DOCK9: variants seen among roughly 807,000 people sequenced by gnomAD.
The protein encoded by DOCK9 is dedicator of cytokinesis 9, also known as dedicator of cytokinesis protein 9.
Under a neutral mutation model 263.3 loss-of-function variants are expected in DOCK9, and 89 were observed. The observed-to-expected ratio is 0.34, with a 90% CI of 0.28 to 0.40. The LOEUF (loss-of-function observed/expected upper bound fraction) is 0.40, where lower values mean the gene tolerates loss of function less well. Among genes scored for constraint, DOCK9 ranks in the 10% least tolerant of loss-of-function variants. The probability of loss-of-function intolerance (pLI) is 1.00; values close to 1 mark genes in which losing one functional copy is unlikely to be tolerated. For missense variants in DOCK9, 2,140 were observed against 2,603.4 expected, an observed-to-expected ratio of 0.82 and a Z score of 3.87; for synonymous variants, 976 against 973.1, an observed-to-expected ratio of 1.00 and a Z score of -0.06.
At chr13:98,862,190 A>C (rs1189651589) in intron 32 of DOCK9, among the ~76,000 whole-genome samples, 1 of 152,202 alleles carries the variant, frequency 6.6e-6, no homozygotes, top group East Asian at 1.9e-4. Flanking sequence ...TTAGCCAGAA[A>C]TGCAACTTAC....
intron 40 of DOCK9, 22 bp downstream of exon 40, chr13:98,831,627 C>T: frequency 6.2e-7 from 1 of 1,609,958 alleles, no homozygotes; most frequent in Non-Finnish European, 8.5e-7. Context: ...AACATCTAAC[C>T]ACTGCCCATG....
intron 38 of DOCK9, among the ~76,000 whole-genome samples, chr13:98,838,062 C>T (rs2093073571): frequency 6.6e-6 from 1 of 152,166 alleles, no homozygotes; most frequent in African/African-American, 2.4e-5. Context: ...AGGCATTGAT[C>T]GATTCTGCTA....
At chr13:99,036,449 C>G (rs1260879869) in intron 1 of DOCK9, among the ~76,000 whole-genome samples, 1 of 152,110 alleles carries the variant, frequency 6.6e-6, no homozygotes, top group African/African-American at 2.4e-5. Context: ...TCATCAGAAC[C>G]CAACCATGCT....
At chr13:98,946,978 G>A (rs767476882) in intron 2 of DOCK9, among the ~76,000 whole-genome samples, 12 of 152,270 alleles carry the variant, frequency 7.9e-5, no homozygotes, top group Middle Eastern at 3.4e-3. Context: ...GCTTCAGTCC[G>A]TCATGCTCTC....
rs2139672515 is a variant in DOCK9, at chr13:98,793,544, G to C, written c.*1082C>G. The C allele has an allele frequency of 6.6e-6, 1 of 152,452 alleles. No individual in the cohort carries two copies. The highest frequency in any genetic ancestry group is 2.4e-5 in the African/African-American group (1 of 41,430). 9.4% of individuals were successfully genotyped at this position (152,452 alleles called of 1,614,324 possible). ...GGTACAGAATGTTTAATTACAGCAG[G>C]GCAGTGATTCCAGTTAAATAAAATT... On this transcript the variant is annotated 3_prime_UTR_variant, in exon 53 of 53. Coordinates refer to ENST00000682017, the MANE Select transcript of DOCK9 (RefSeq NM_001366683.2).
At chr13:99,014,642 T>G (rs948143312) in intron 1 of DOCK9, among the ~76,000 whole-genome samples, 2 of 152,192 alleles carry the variant, frequency 1.3e-5, no homozygotes, top group African/African-American at 4.8e-5. Context: ...AAGCAGCTGC[T>G]GGCAAGACAC....
chr13:98,837,527 C>T lies in DOCK9; in HGVS notation c.4281G>A (p.Leu1427=). ...CCAATGTAAATAGAGAAAGCGTGTC[C>T]AGAGCTGTCAGGCAAACCTCAGTAG... ...NIATEVCLTA[L]DTLSLFTLAF... The change falls in exon 39 of 53, where the codon CTG becomes CTA. Residue 1427 remains leucine, a synonymous_variant. Coordinates refer to ENST00000682017, the MANE Select transcript of DOCK9 (RefSeq NM_001366683.2). 1.2e-6 allele frequency: 2 copies of T among 1,613,476 alleles called. No individual in the cohort carries two copies. The highest frequency in any genetic ancestry group is 1.7e-6 in the Non-Finnish European group (2 of 1,179,616).
At chr13:98,867,846 A>G (rs565969723) in intron 29 of DOCK9, 82 bp downstream of exon 29, 11 of 348,322 alleles carry the variant, frequency 3.2e-5, no homozygotes, top group South Asian at 1.7e-4. Flanking sequence ...GCAGAGCTTT[A>G]AAAAAAAAAA....
intron 2 of DOCK9, among the ~76,000 whole-genome samples, chr13:98,930,652 CT>C (rs373096591): frequency 2.0e-5 from 3 of 149,774 alleles, no homozygotes; most frequent in Non-Finnish European, 3.0e-5. Context: ...CCATTTGAAA[CT>C]TTTTTTTTTG....
chr13:98,829,376 C>G lies in DOCK9; in HGVS notation c.4896G>C (p.Thr1632=). ...CGAGCCACGTCTTCCTGAGCTCGGG[C>G]GTGCTGGCATAGGATTTGGCCAGGC... ...QYSLAKSYAS[T]PELRKTWLDS... The change falls in exon 43 of 53, where the codon ACG becomes ACC. Residue 1632 remains threonine, a synonymous_variant. Transcript: ENST00000682017. This position sits in a 1 kb window ranked among gnomAD's most constrained non-coding sequence, Gnocchi z 4.1. 2 of 1,613,712 alleles carry G rather than the reference C, an allele frequency of 1.2e-6. No homozygotes were observed. The highest frequency in any genetic ancestry group is 1.7e-6 in the Non-Finnish European group (2 of 1,179,816).
At chr13:98,901,249 C>T (rs1200378649) in intron 13 of DOCK9, among the ~76,000 whole-genome samples, 1 of 152,138 alleles carries the variant, frequency 6.6e-6, no homozygotes, top group Non-Finnish European at 1.5e-5. Context: ...AAGTAATGAA[C>T]ACTACTTTGA....
chr13:98,954,440 G>C (rs79524705), intron 2 of DOCK9, among the ~76,000 whole-genome samples: 1 of 152,098 alleles, frequency 6.6e-6, no homozygotes, highest in Non-Finnish European at 1.5e-5. Flanking sequence ...AACACCACCG[G>C]GTTTCCTGGA....
At chr13:98,904,739 C>T in intron 9 of DOCK9, 33 bp from the exon 10 acceptor site, 1 of 1,526,334 alleles carries the variant, frequency 6.6e-7, no homozygotes, top group South Asian at 1.2e-5. Context: ...TTACATTTAA[C>T]ACAATCCTTT....
intron 2 of DOCK9, among the ~76,000 whole-genome samples, chr13:98,939,145 G>A (rs575665334): frequency 5.5e-4 from 83 of 152,266 alleles, no homozygotes; most frequent in Non-Finnish European, 6.9e-4. Flanking sequence ...CGCTCCAACT[G>A]AGACACTGAG....
intron 27 of DOCK9, among the ~76,000 whole-genome samples, chr13:98,877,204 G>A (rs2043996417): frequency 6.6e-6 from 1 of 152,224 alleles, no homozygotes; most frequent in Non-Finnish European, 1.5e-5. Flanking sequence ...CCCTGGGCAG[G>A]TCACTTCACA....
chr13:99,054,395 T>C lies in DOCK9; in HGVS notation c.129+31828A>G, dbSNP rs907986830. On this transcript the variant is annotated intron_variant, in intron 1 of 32. Transcript: ENST00000427887. Reference sequence around the variant, plus strand: ...AACATAGCCTCACCCAGAATCTTTGTACATCCTAACAACCAGACACTGACA... The same window carrying C: ...AACATAGCCTCACCCAGAATCTTTGCACATCCTAACAACCAGACACTGACA... Among the ~76,000 whole-genome samples, 4 of 152,310 alleles carry C rather than the reference T, an allele frequency of 2.6e-5. No individual in the cohort carries two copies. In the Middle Eastern group the frequency reaches 0.014, roughly 518 times the overall value.
At chr13:98,872,265 A>G (rs952197861) in intron 27 of DOCK9, among the ~76,000 whole-genome samples, 2 of 152,204 alleles carry the variant, frequency 1.3e-5, no homozygotes, top group Non-Finnish European at 2.9e-5. Flanking sequence ...TTTGTGGCTT[A>G]GCAAACAACA....
Position 98,828,799 on chromosome 13 carries a change from A to C in DOCK9, c.4965+508T>G, listed in dbSNP as rs139285784. 1.9e-3 allele frequency among the ~76,000 whole-genome samples: 295 copies of C among 152,308 alleles called. 2 individuals are homozygous for C. Among genetic ancestry groups the C allele is most frequent in the African/African-American group, 6.9e-3 (288 of 41,560 alleles). ...TTAGTTAATATTGGATCTTGGATTC[A>C]AAGTCCAATATTACTTGTACTGGAG... On this transcript the variant is annotated intron_variant, in intron 43 of 52. Transcript: ENST00000682017.
At chr13:98,963,752 G>A (rs947039417) in intron 1 of DOCK9, among the ~76,000 whole-genome samples, 9 of 152,188 alleles carry the variant, frequency 5.9e-5, no homozygotes, top group South Asian at 4.1e-4. Flanking sequence ...CTTTCAAAGC[G>A]CTTCTCAATG....
Sources: gnomAD v4.1 joint callset for allele counts (sites outside exome capture counted in the v4.1 genomes callset) on GRCh38, gnomAD v4.1.1 for gene constraint, Gnocchi (gnomAD v3.1) non-coding constraint, MANE v1.5 for transcripts, NCBI Gene and HGNC (gene_info 2026-07-23, HGNC 2026-07-21) for gene names.